The following ITPK1 variants were observed in gnomAD, a reference collection of about 807,000 sequenced individuals.
The protein encoded by ITPK1 is inositol-tetrakisphosphate 1-kinase, also known as inositol 1,3,4-trisphosphate 5/6-kinase.
A neutral mutation model predicts 45.3 loss-of-function variants in ITPK1; 21 were observed. The observed-to-expected ratio is 0.46, with a 90% confidence interval of 0.33 to 0.67. The LOEUF is 0.67. Ranked by LOEUF, ITPK1 falls within the 30% of genes least tolerant of loss-of-function variation. The pLI is 0.02. For missense variants in ITPK1, 474 were observed against 573.5 expected (o/e 0.83, Z 1.77); for synonymous variants, 258 against 253.6 (o/e 1.02, Z -0.16).
intron 5 of ITPK1, among the ~76,000 whole-genome samples, chr14:92,975,181 C>T (rs1236251419): frequency 6.6e-6 from 1 of 152,256 alleles, no homozygotes; most frequent in African/African-American, 2.4e-5. Flanking sequence ...TCCTTGCCAG[C>T]CTTGAAGTCC....
chr14:92,956,082 T>G (rs1395832173), intron 8 of ITPK1, among the ~76,000 whole-genome samples: 1 of 152,090 alleles, frequency 6.6e-6, no homozygotes, highest in Admixed American at 6.5e-5. Flanking sequence ...TTTCTCCTTT[T>G]TAGCTCTGTG....
intron 3 of ITPK1, among the ~76,000 whole-genome samples, chr14:93,040,012 C>G (rs964071880): frequency 2.6e-5 from 4 of 152,268 alleles, no homozygotes; most frequent in Admixed American, 2.0e-4. Context: ...CTCCTGCCAG[C>G]CCCTGCTGGG....
intron 3 of ITPK1, among the ~76,000 whole-genome samples, chr14:93,023,795 T>C (rs1011648953): frequency 6.6e-6 from 1 of 152,096 alleles, no homozygotes; most frequent in Admixed American, 6.5e-5. Context: ...GCAGGAGCCT[T>C]GATAGAGCCA....
At chr14:93,042,973 G>A (rs926085377) in intron 3 of ITPK1, among the ~76,000 whole-genome samples, 4 of 151,842 alleles carry the variant, frequency 2.6e-5, no homozygotes, top group South Asian at 2.1e-4. Flanking sequence ...AGCCAAGATC[G>A]CACCACTGCA....
intron 3 of ITPK1, among the ~76,000 whole-genome samples, chr14:93,075,985 C>T (rs1891205030): frequency 6.6e-6 from 1 of 152,190 alleles, no homozygotes. Context: ...CTGCCCCTCA[C>T]ATAGAGTCTG....
At chr14:92,967,670 C>T (rs1885447403) in intron 5 of ITPK1, among the ~76,000 whole-genome samples, 1 of 152,172 alleles carries the variant, frequency 6.6e-6, no homozygotes, top group Non-Finnish European at 1.5e-5. Flanking sequence ...CCATCAACTG[C>T]AGAAGGAATA....
intron 5 of ITPK1, among the ~76,000 whole-genome samples, chr14:92,970,710 A>G (rs1037331240): frequency 4.7e-5 from 7 of 150,418 alleles, no homozygotes; most frequent in African/African-American, 1.7e-4. Context: ...ATCTCTGCTC[A>G]CTGCAAGCTC....
intron 3 of ITPK1, among the ~76,000 whole-genome samples, chr14:93,041,058 G>C (rs776362265): frequency 2.0e-5 from 3 of 152,150 alleles, no homozygotes; most frequent in Non-Finnish European, 4.4e-5. Flanking sequence ...GGTTGGTCTC[G>C]TATATACGAC....
Position 92,940,313 on chromosome 14 carries a change from A to G in ITPK1, c.*1248T>C. 1.0e-6 allele frequency: 1 copy of G among 991,136 alleles called. No homozygotes were observed. Among genetic ancestry groups the G allele is most frequent in the Non-Finnish European group, 1.2e-6 (1 of 833,288 alleles). The allele number at this position is 991,136 out of a possible 1,614,324, so 61.4% of individuals were successfully genotyped here. On this transcript the variant is annotated 3_prime_UTR_variant, in exon 11 of 11. Transcript: ENST00000267615. ...TGATGCCTCTCACCCAGCACCCCAC[A>G]TCTTCCAGGACTGCAGAGGCTTCTC...
chr14:93,103,667 G>A (rs1357374454), intron 2 of ITPK1, among the ~76,000 whole-genome samples: 5 of 152,248 alleles, frequency 3.3e-5, no homozygotes, highest in African/African-American at 1.2e-4. Flanking sequence ...GAATGAATGG[G>A]GTGTTTTTTA....
chr14:93,041,637 G>A (rs889903659), intron 3 of ITPK1, among the ~76,000 whole-genome samples: 1 of 152,170 alleles, frequency 6.6e-6, no homozygotes, highest in Non-Finnish European at 1.5e-5. Flanking sequence ...GCCCACACCC[G>A]GGCACACAGG....
At chr14:92,988,801 G>A (rs1417395148) in intron 5 of ITPK1, among the ~76,000 whole-genome samples, 3 of 152,184 alleles carry the variant, frequency 2.0e-5, no homozygotes, top group African/African-American at 7.2e-5. Flanking sequence ...CTCTAAATCG[G>A]AGATGAAATC....
At chr14:92,956,121 C>CTTTT (rs5810617) in intron 8 of ITPK1, among the ~76,000 whole-genome samples, 107 of 139,204 alleles carry the variant, frequency 7.7e-4, no homozygotes, top group African/African-American at 2.8e-3. Flanking sequence ...GCTTAGTCTG[C>CTTTT]TTTTTTTTTT....
intron 3 of ITPK1, among the ~76,000 whole-genome samples, chr14:93,061,125 G>A (rs1566763094): frequency 1.3e-5 from 2 of 152,204 alleles, no homozygotes; most frequent in Non-Finnish European, 1.5e-5. Flanking sequence ...ATACTCTTCA[G>A]AAATTAACTT....
chr14:93,024,440 G>A (rs1888628490), intron 3 of ITPK1, among the ~76,000 whole-genome samples: 2 of 152,186 alleles, frequency 1.3e-5, no homozygotes, highest in Non-Finnish European at 2.9e-5. Flanking sequence ...CTATAGTCGC[G>A]ATGAGCACAC....
chr14:93,039,412 G>C (rs780346541), intron 3 of ITPK1, among the ~76,000 whole-genome samples: 1 of 152,166 alleles, frequency 6.6e-6, no homozygotes, highest in Admixed American at 6.5e-5. Flanking sequence ...GGAGGCCAAG[G>C]CAGGAGAATC....
chr14:93,000,126 T>C (rs1887264443), intron 4 of ITPK1, among the ~76,000 whole-genome samples: 1 of 152,258 alleles, frequency 6.6e-6, no homozygotes, highest in South Asian at 2.1e-4. Flanking sequence ...TGGTGTAGTG[T>C]ATTTTGTTTA....
chr14:92,938,764 G>A lies in ITPK1; in HGVS notation c.*2797C>T, dbSNP rs1257965741. The A allele has an allele frequency of 1.3e-5, 8 of 594,946 alleles. No individual in the cohort carries two copies. In the East Asian group the frequency reaches 2.2e-4, roughly 17 times the overall value. 36.9% of individuals were successfully genotyped at this position (594,946 alleles called of 1,614,324 possible). A position where few individuals can be genotyped will look rare whatever the true frequency, so the allele number is the denominator to read the frequency against. The stretch of plus-strand genomic sequence containing the variant: ...CCAGGGTGGCCTCCCCTTGGCTCTT[G>A]GGGTGGGGACACCCAGCAGCTGGCA... On this transcript the variant is annotated 3_prime_UTR_variant, in exon 11 of 11. Transcript: ENST00000267615.
intron 3 of ITPK1, among the ~76,000 whole-genome samples, chr14:93,053,724 T>A (rs1315778185): frequency 2.6e-5 from 4 of 152,160 alleles, no homozygotes; most frequent in African/African-American, 9.7e-5. Flanking sequence ...TAAGGGGGGC[T>A]GCATGTGTGT....
Sources: gnomAD v4.1 joint callset for allele counts (sites outside exome capture counted in the v4.1 genomes callset) on GRCh38, gnomAD v4.1.1 for gene constraint, MANE v1.5 for transcripts, NCBI Gene and HGNC (gene_info 2026-07-23, HGNC 2026-07-21) for gene names.